The following ZNF138 variants were observed in gnomAD, a reference collection of about 807,000 sequenced individuals.
The protein encoded by ZNF138 is zinc finger protein 138 (clone pHZ-32).
ZNF138 carries 33 observed loss-of-function variants against 33.0 expected under a neutral mutation model. The ratio of observed to expected loss-of-function variants is 1.00; its 90% confidence interval spans 0.76 to 1.34. ZNF138 has a LOEUF of 1.34. Ranked by LOEUF, ZNF138 falls within the 40% of genes most tolerant of loss-of-function variation. The probability of loss-of-function intolerance (pLI) is 0.00; values close to 1 mark genes in which losing one functional copy is unlikely to be tolerated. For synonymous variants in ZNF138, 139 were observed against 120.4 expected, an observed-to-expected ratio of 1.15 and a Z score of -1.01; for missense variants, 360 against 370.8, an observed-to-expected ratio of 0.97 and a Z score of 0.24.
the ZNF138 span, among the ~76,000 whole-genome samples, chr7:64,841,557 A>C: frequency 6.6e-6 from 1 of 152,330 alleles, no homozygotes; most frequent in East Asian, 1.9e-4. Flanking sequence ...TCCCGTGGAG[A>C]TAACAATTGT....
chr7:64,806,024 A>G (rs533050673), intron 1 of ZNF138, among the ~76,000 whole-genome samples: 29 of 152,204 alleles, frequency 1.9e-4, no homozygotes, highest in Non-Finnish European at 4.1e-4. Flanking sequence ...TTGTGTAATA[A>G]AACAGCTTTC....
chr7:64,801,049 G>A (rs1314634769), intron 1 of ZNF138, among the ~76,000 whole-genome samples: 3 of 151,986 alleles, frequency 2.0e-5, no homozygotes, highest in African/African-American at 7.2e-5. Flanking sequence ...ATTTCTAATT[G>A]TATTTATTTG....
intron 3 of ZNF138, among the ~76,000 whole-genome samples, chr7:64,830,628 C>G (rs1790006935): frequency 6.6e-6 from 1 of 151,910 alleles, no homozygotes; most frequent in African/African-American, 2.4e-5. Context: ...CAGCCTGTAT[C>G]TTCATTTTTT....
the ZNF138 span, chr7:64,853,455 T>G: frequency 1.5e-6 from 1 of 648,176 alleles, no homozygotes; most frequent in Non-Finnish European, 2.8e-6. Flanking sequence ...CGCCCCGAGT[T>G]AAACTTTTTT....
At chr7:64,814,008 C>T in intron 1 of ZNF138, 1 of 1,162,768 alleles carries the variant, frequency 8.6e-7, no homozygotes, top group Non-Finnish European at 1.1e-6. Context: ...CTTAGGTTTC[C>T]TTTGCATATA....
chr7:64,805,724 G>A (rs1787542822), intron 1 of ZNF138, among the ~76,000 whole-genome samples: 1 of 152,208 alleles, frequency 6.6e-6, no homozygotes, highest in Non-Finnish European at 1.5e-5. Flanking sequence ...CATAAAGATA[G>A]CACCCTCTTC....
At chr7:64,845,429 G>A in the ZNF138 span, among the ~76,000 whole-genome samples, 3 of 152,002 alleles carry the variant, frequency 2.0e-5, no homozygotes, top group East Asian at 5.8e-4. Flanking sequence ...TTTTTGCTCC[G>A]GGTAGACACC....
the ZNF138 span, among the ~76,000 whole-genome samples, chr7:64,851,997 T>TA: frequency 6.6e-6 from 1 of 152,182 alleles, no homozygotes; most frequent in African/African-American, 2.4e-5. Context: ...TCAAGACTCT[T>TA]AAAAAATCAG....
intron 3 of ZNF138, among the ~76,000 whole-genome samples, chr7:64,822,717 A>T (rs60325180): frequency 0.016 from 2,411 of 152,196 alleles, 65 homozygotes; most frequent in African/African-American, 0.054. Context: ...AGAAAGTATA[A>T]TGCATCTTCT....
chr7:64,822,535 C>T (rs1343321934), intron 3 of ZNF138, among the ~76,000 whole-genome samples: 1 of 151,432 alleles, frequency 6.6e-6, no homozygotes, highest in Non-Finnish European at 1.5e-5. Context: ...CATTACTTTT[C>T]CAAGAGACGA....
Position 64,833,026 on chromosome 7 carries a change from C to T in ZNF138, c.*824C>T, listed in dbSNP as rs192262040. 4.7e-6 allele frequency: 2 copies of T among 429,796 alleles called. No homozygotes were observed. The highest frequency in any genetic ancestry group is 5.4e-5 in the Admixed American group (2 of 36,988). 26.6% of individuals were successfully genotyped at this position (429,796 alleles called of 1,614,324 possible). A position where few individuals can be genotyped will look rare whatever the true frequency, so the allele number is the denominator to read the frequency against. ...TACAAATGTGAAGAATGTGGCAAAG[C>T]TTTTAACCAAGTCTCAACACTTACT... On this transcript the variant is annotated 3_prime_UTR_variant, in exon 4 of 4. Coordinates refer to ENST00000307355, the MANE Select transcript of ZNF138 (RefSeq NM_001271639.2).
At chr7:64,815,092 A>ATTTTTT in intron 2 of ZNF138, 48 bp downstream of exon 2, 1 of 1,222,010 alleles carries the variant, frequency 8.2e-7, no homozygotes, top group Non-Finnish European at 1.1e-6. Flanking sequence ...TAAAGGTTTC[A>ATTTTTT]TTTTTTTTTT....
chr7:64,842,735 A>G, the ZNF138 span, among the ~76,000 whole-genome samples: 1 of 152,190 alleles, frequency 6.6e-6, no homozygotes, highest in African/African-American at 2.4e-5. Flanking sequence ...AAATAAGTAA[A>G]TGTGTATTTA....
chr7:64,810,323 T>C (rs1788048374), intron 1 of ZNF138, among the ~76,000 whole-genome samples: 1 of 145,736 alleles, frequency 6.9e-6, no homozygotes, highest in African/African-American at 2.5e-5. Flanking sequence ...GGCGCGAGCC[T>C]GCAATCGCAG....
chr7:64,833,100 T>G lies in ZNF138; in HGVS notation c.*898T>G, dbSNP rs1790223235. ...AGCAAAACCTTGGAAATTCAAAGAA[T>G]GTGGTAAAACTTACAATCCTCAAAA... On this transcript the variant is annotated 3_prime_UTR_variant, in exon 4 of 4. Transcript: ENST00000307355. The G allele has an allele frequency of 3.5e-6, 1 of 289,252 alleles. No homozygotes were observed. The highest frequency in any genetic ancestry group is 3.5e-5 in the South Asian group (1 of 28,444). 17.9% of individuals were successfully genotyped at this position (289,252 alleles called of 1,614,324 possible).
the ZNF138 span, among the ~76,000 whole-genome samples, chr7:64,849,022 C>T: frequency 6.6e-6 from 1 of 152,126 alleles, no homozygotes; most frequent in Non-Finnish European, 1.5e-5. Flanking sequence ...TGTTAAAGAA[C>T]TTTGTTTTGT....
intron 1 of ZNF138, among the ~76,000 whole-genome samples, chr7:64,795,175 G>T (rs1330753927): frequency 6.6e-6 from 1 of 152,150 alleles, no homozygotes; most frequent in East Asian, 1.9e-4. Context: ...GTAATCAGAG[G>T]TTAATTGGCA....
chr7:64,853,524 A>G, the ZNF138 span, among the ~76,000 whole-genome samples: 1 of 146,648 alleles, frequency 6.8e-6, no homozygotes. Flanking sequence ...TCCATCTAGT[A>G]TGCTGTCTTC....
chr7:64,829,359 A>T (rs1472963840), intron 3 of ZNF138, among the ~76,000 whole-genome samples: 1 of 151,512 alleles, frequency 6.6e-6, no homozygotes, highest in African/African-American at 2.4e-5. Flanking sequence ...TGTACTTTAC[A>T]TATTTGGAAA....
Sources: allele counts gnomAD v4.1 joint callset (sites outside exome capture counted in the v4.1 genomes callset), GRCh38; gene constraint gnomAD v4.1.1; transcripts MANE v1.5; gene names NCBI Gene and HGNC (gene_info 2026-07-23, HGNC 2026-07-21).